CENPW: variants seen among roughly 807,000 people sequenced by gnomAD.
CENPW encodes the protein centromere protein W.
CENPW carries 3 observed loss-of-function variants against 11.1 expected under a neutral mutation model. The ratio of observed to expected loss-of-function variants is 0.27; its 90% CI spans 0.12 to 0.70. The LOEUF (loss-of-function observed/expected upper bound fraction) is 0.70. Among genes scored for constraint, CENPW ranks in the 30% least tolerant of loss-of-function variants. The pLI, the probability that CENPW is intolerant of heterozygous loss-of-function variation, is 0.77. For missense variants in CENPW, 100 were observed against 105.6 expected, an observed-to-expected ratio of 0.95 and a Z score of 0.23; for synonymous variants, 38 against 42.0, an observed-to-expected ratio of 0.91 and a Z score of 0.37.
the CENPW span, among the ~76,000 whole-genome samples, chr6:126,414,192 G>A: frequency 6.6e-6 from 1 of 151,930 alleles, no homozygotes; most frequent in East Asian, 1.9e-4. Context: ...ACATATAAAG[G>A]AAGAGATACT....
chr6:126,420,001 C>T, the CENPW span, among the ~76,000 whole-genome samples: 1 of 152,092 alleles, frequency 6.6e-6, no homozygotes, highest in Admixed American at 6.6e-5. Context: ...TTTGGAGGAC[C>T]AGGATTCTGC....
chr6:126,411,278 G>C, the CENPW span, among the ~76,000 whole-genome samples: 1 of 152,144 alleles, frequency 6.6e-6, no homozygotes, highest in East Asian at 1.9e-4. Context: ...TGGTGGCCAC[G>C]GCTGTAGAAA....
the CENPW span, among the ~76,000 whole-genome samples, chr6:126,382,794 C>A: frequency 2.0e-5 from 3 of 151,986 alleles, no homozygotes; most frequent in East Asian, 5.8e-4. Context: ...TGTAAAGAGA[C>A]CAAGTCAACA....
chr6:126,424,532 C>T, the CENPW span, among the ~76,000 whole-genome samples: 2 of 152,118 alleles, frequency 1.3e-5, no homozygotes, highest in Admixed American at 6.6e-5. Context: ...TTTAAGACCA[C>T]ACAGTTAGCC....
chr6:126,392,386 T>C, the CENPW span, among the ~76,000 whole-genome samples: 1 of 151,894 alleles, frequency 6.6e-6, no homozygotes, highest in Admixed American at 6.6e-5. Flanking sequence ...GTTTTCCAGA[T>C]CTATGATGAA....
At chr6:126,388,418 G>C in the CENPW span, among the ~76,000 whole-genome samples, 14 of 151,852 alleles carry the variant, frequency 9.2e-5, no homozygotes, top group Non-Finnish European at 2.9e-5. Flanking sequence ...CTGAACTGAT[G>C]GTCTCTTCCC....
chr6:126,426,313 T>A, the CENPW span, among the ~76,000 whole-genome samples: 1 of 152,116 alleles, frequency 6.6e-6, no homozygotes, highest in African/African-American at 2.4e-5. Flanking sequence ...TGCTTGTGGG[T>A]CTTGAGTGAA....
At chr6:126,341,039 A>G (rs1780297738) in intron 1 of CENPW, among the ~76,000 whole-genome samples, 1 of 152,214 alleles carries the variant, frequency 6.6e-6, no homozygotes, top group Admixed American at 6.5e-5. Flanking sequence ...TAGAACACCT[A>G]GTCAGTTTTT....
the CENPW span, among the ~76,000 whole-genome samples, chr6:126,472,208 TAA>T: frequency 2.0e-5 from 3 of 152,178 alleles, no homozygotes; most frequent in Admixed American, 1.3e-4. Context: ...TAAAAATTGA[TAA>T]GTTTTAGCAT....
At chr6:126,432,880 C>T in the CENPW span, among the ~76,000 whole-genome samples, 4 of 152,144 alleles carry the variant, frequency 2.6e-5, no homozygotes, top group Non-Finnish European at 4.4e-5. Flanking sequence ...ATCTAAAATG[C>T]CAGTTTGTTC....
chr6:126,357,876 G>A, the CENPW span, among the ~76,000 whole-genome samples: 16 of 152,098 alleles, frequency 1.1e-4, no homozygotes, highest in Middle Eastern at 3.2e-3. Flanking sequence ...CAAAGTGCTG[G>A]AATTACAGGT....
the CENPW span, among the ~76,000 whole-genome samples, chr6:126,381,123 C>T: frequency 6.6e-6 from 1 of 152,332 alleles, no homozygotes; most frequent in Admixed American, 6.5e-5. Context: ...CAATTCTCCT[C>T]CACGGCCAAA....
the CENPW span, among the ~76,000 whole-genome samples, chr6:126,477,120 T>C: frequency 2.0e-5 from 3 of 152,026 alleles, no homozygotes; most frequent in Non-Finnish European, 4.4e-5. Context: ...AAGTCTACCG[T>C]TAATAGTTTG....
chr6:126,466,027 G>T, the CENPW span, among the ~76,000 whole-genome samples: 2 of 152,178 alleles, frequency 1.3e-5, no homozygotes, highest in East Asian at 3.9e-4. Context: ...ATAGTGGAAG[G>T]TTTGAATAGG....
the CENPW span, among the ~76,000 whole-genome samples, chr6:126,432,181 C>T: frequency 3.3e-5 from 5 of 151,510 alleles, no homozygotes; most frequent in Non-Finnish European, 4.4e-5. Context: ...AATTATGCTG[C>T]GTGGCATTCA....
chr6:126,453,543 T>A, the CENPW span, among the ~76,000 whole-genome samples: 1 of 151,192 alleles, frequency 6.6e-6, no homozygotes. Context: ...CCTTGCAAGA[T>A]GTCCTTAAGG....
the CENPW span, among the ~76,000 whole-genome samples, chr6:126,359,757 C>CTTTTTTTTTTTTTTTT: frequency 1.4e-5 from 2 of 137,938 alleles, no homozygotes; most frequent in African/African-American, 2.6e-5. Flanking sequence ...TTTTTCTTTT[C>CTTTTTTTTTTTTTTTT]TTTTTTTTTT....
chr6:126,447,858 C>G, the CENPW span, among the ~76,000 whole-genome samples: 9 of 151,230 alleles, frequency 6.0e-5, no homozygotes, highest in Non-Finnish European at 3.0e-5. Flanking sequence ...TGGTCCTGTT[C>G]CTATGTGTTT....
At chr6:126,371,229 A>T in the CENPW span, among the ~76,000 whole-genome samples, 1 of 152,130 alleles carries the variant, frequency 6.6e-6, no homozygotes, top group African/African-American at 2.4e-5. Context: ...TGGGTTTGTC[A>T]TAGATAGCTT....
Sources: allele counts gnomAD v4.1 joint callset (sites outside exome capture counted in the v4.1 genomes callset), GRCh38; gene constraint gnomAD v4.1.1; transcripts MANE v1.5; gene names NCBI Gene and HGNC (gene_info 2026-07-23, HGNC 2026-07-21).